The following TAFA2 variants were observed in gnomAD, a reference collection of about 807,000 sequenced individuals.
TAFA2 encodes the protein TAFA chemokine like family member 2.
Under a neutral mutation model 18.8 loss-of-function variants are expected in TAFA2, and 7 were observed. The observed-to-expected ratio is 0.37, with a 90% CI of 0.21 to 0.70. The LOEUF is 0.70. Among genes scored for constraint, TAFA2 ranks in the 30% least tolerant of loss-of-function variants. TAFA2 has a pLI of 0.53. For synonymous variants in TAFA2, 60 were observed against 54.2 expected (o/e 1.11, Z -0.47); for missense variants, 122 against 158.1 (o/e 0.77, Z 1.23).
chr12:61,965,036 C>T (rs139402673), intron 1 of TAFA2, among the ~76,000 whole-genome samples: 44 of 151,924 alleles, frequency 2.9e-4, no homozygotes, highest in East Asian at 1.4e-3. Context: ...GTAGAATAGA[C>T]GTTCAAAGGT....
At chr12:61,740,290 T>G (rs989648282) in intron 4 of TAFA2, among the ~76,000 whole-genome samples, 2 of 151,338 alleles carry the variant, frequency 1.3e-5, no homozygotes, top group African/African-American at 4.9e-5. Flanking sequence ...TGAGAACACA[T>G]GGACACAGGG....
intron 2 of TAFA2, among the ~76,000 whole-genome samples, chr12:61,769,364 T>TA (rs1437732064): frequency 6.6e-6 from 1 of 151,830 alleles, no homozygotes; most frequent in East Asian, 1.9e-4. Context: ...TGCAAGCCTG[T>TA]AACCTCCCTG....
intron 1 of TAFA2, among the ~76,000 whole-genome samples, chr12:62,205,109 G>T (rs899298975): frequency 6.6e-6 from 1 of 152,166 alleles, no homozygotes; most frequent in Non-Finnish European, 1.5e-5. Context: ...TTTGCTGGGG[G>T]TCTACTCAAG....
At chr12:62,184,579 G>T (rs1317562633) in intron 1 of TAFA2, among the ~76,000 whole-genome samples, 1 of 137,758 alleles carries the variant, frequency 7.3e-6, no homozygotes, top group Non-Finnish European at 1.5e-5. Context: ...ATGCAGCTGT[G>T]ACCTCCCAGG....
chr12:61,866,503 T>C (rs1361976654), intron 2 of TAFA2, among the ~76,000 whole-genome samples: 1 of 152,178 alleles, frequency 6.6e-6, no homozygotes, highest in East Asian at 1.9e-4. Flanking sequence ...AAATCTAAAT[T>C]GATTTCTCAG....
chr12:61,926,702 T>A (rs1877309321), intron 1 of TAFA2, among the ~76,000 whole-genome samples: 1 of 152,088 alleles, frequency 6.6e-6, no homozygotes, highest in African/African-American at 2.4e-5. Context: ...TATCTGAAAA[T>A]AATAAGAGCT....
At chr12:61,948,674 A>G (rs1349531234) in intron 1 of TAFA2, among the ~76,000 whole-genome samples, 1 of 152,212 alleles carries the variant, frequency 6.6e-6, no homozygotes, top group Non-Finnish European at 1.5e-5. Flanking sequence ...AGAAAAGAGA[A>G]TGTATTGTAG....
intron 1 of TAFA2, among the ~76,000 whole-genome samples, chr12:61,871,780 C>T: frequency 6.6e-6 from 1 of 152,172 alleles, no homozygotes; most frequent in Middle Eastern, 3.2e-3. Flanking sequence ...AAACGCTTCT[C>T]ATCCCACTAA....
At position 62,000,208 on chromosome 12, in the gene TAFA2, A is replaced by AT. The variant is rs760210330; in HGVS notation, c.-1-132783_-1-132782insA. Among the ~76,000 whole-genome samples, 4 of 114,318 alleles carry AT rather than the reference A, an allele frequency of 3.5e-5. No individual in the cohort carries two copies. The East Asian group carries it at 1.9e-3, about 54-fold the overall frequency. 75.0% of individuals were successfully genotyped at this position (114,318 alleles called of 152,430 possible). ...GTTTAACCCTGTACATTAGCATTCT[A>AT]ATGCATACTGCCTGTGTAGTCCTTT... On this transcript the variant is annotated intron_variant, in intron 1 of 4. Coordinates refer to ENST00000416284, the MANE Select transcript of TAFA2 (RefSeq NM_178539.5).
rs57736074 is a variant in TAFA2 at position 61,826,338 on chromosome 12, C to CTGTGTGTGTGTGTGTGTGTGTG, written c.106+40960_106+40981dup. ...TGTTCAAAACTTCTAATTAGTTCAT[C>CTGTGTGTGTGTGTGTGTGTGTG]TGTGTGTGTGTGTGTGTGTGTGTGT... On this transcript the variant is annotated intron_variant, in intron 2 of 4. Transcript: ENST00000416284. 1.4e-3 allele frequency among the ~76,000 whole-genome samples: 209 copies of CTGTGTGTGTGTGTGTGTGTGTG among 149,138 alleles called. 1 individual carries two copies. Among genetic ancestry groups the CTGTGTGTGTGTGTGTGTGTGTG allele is most frequent in the African/African-American group, 4.6e-3 (187 of 40,736 alleles).
At chr12:61,748,345 A>C (rs975140543) in intron 4 of TAFA2, among the ~76,000 whole-genome samples, 12 of 152,138 alleles carry the variant, frequency 7.9e-5, no homozygotes, top group African/African-American at 2.9e-4. Flanking sequence ...GCTGTGGACC[A>C]GAATGTAATT....
chr12:62,078,535 C>G (rs1484949028), intron 1 of TAFA2, among the ~76,000 whole-genome samples: 2 of 152,072 alleles, frequency 1.3e-5, no homozygotes, highest in African/African-American at 2.4e-5. Context: ...AAATCACACC[C>G]AGGGGTGTAG....
chr12:62,252,413 C>A (rs1214463021), intron 1 of TAFA2: 1 of 152,222 alleles, frequency 6.6e-6, no homozygotes, highest in African/African-American at 2.4e-5. Flanking sequence ...TTCACTGGGC[C>A]TCTTGCTGTG....
intron 1 of TAFA2, among the ~76,000 whole-genome samples, chr12:62,190,080 A>G (rs1055481494): frequency 2.6e-5 from 4 of 151,270 alleles, no homozygotes; most frequent in African/African-American, 9.7e-5. Flanking sequence ...TCTCTCTCTT[A>G]TTGCCATAAT....
At chr12:62,136,217 A>C (rs1219195819) in intron 1 of TAFA2, among the ~76,000 whole-genome samples, 1 of 152,164 alleles carries the variant, frequency 6.6e-6, no homozygotes, top group Non-Finnish European at 1.5e-5. Flanking sequence ...AGTTGATCCA[A>C]GAATCAATTA....
intron 2 of TAFA2, among the ~76,000 whole-genome samples, chr12:61,819,471 C>T (rs1872230497): frequency 6.6e-6 from 1 of 152,076 alleles, no homozygotes; most frequent in African/African-American, 2.4e-5. Flanking sequence ...ACCTCTTATG[C>T]AAATCTAAAT....
rs2062663816 is a variant in TAFA2, at chr12:62,199,799, T to C, written c.-130+58964A>G. 5.3e-5 allele frequency among the ~76,000 whole-genome samples: 8 copies of C among 152,274 alleles called. No individual in the cohort carries two copies. In the South Asian group the frequency reaches 1.7e-3, roughly 32 times the overall value. ...AATGGCATTGCTGGGTCAAATGGTATTTCTGGTCCTAGGTCTCTGAGGAAT... is the reference window on the plus strand; with the variant it reads ...AATGGCATTGCTGGGTCAAATGGTACTTCTGGTCCTAGGTCTCTGAGGAAT... On this transcript the variant is annotated intron_variant, in intron 1 of 5. Coordinates refer to the TAFA2 transcript ENST00000551619.
At chr12:62,098,564 G>T (rs1402492491) in intron 1 of TAFA2, among the ~76,000 whole-genome samples, 2 of 152,086 alleles carry the variant, frequency 1.3e-5, no homozygotes, top group African/African-American at 4.8e-5. Flanking sequence ...TTAAATTAAG[G>T]CTCTAATTCT....
intron 1 of TAFA2, among the ~76,000 whole-genome samples, chr12:62,254,326 T>A (rs572375897): frequency 6.6e-6 from 1 of 152,222 alleles, no homozygotes; most frequent in Non-Finnish European, 1.5e-5. Flanking sequence ...ATCACTATTT[T>A]ACAGATGAGA....
Sources: gnomAD v4.1 joint callset for allele counts (sites outside exome capture counted in the v4.1 genomes callset) on GRCh38, gnomAD v4.1.1 for gene constraint, MANE v1.5 for transcripts, NCBI Gene and HGNC (gene_info 2026-07-23, HGNC 2026-07-21) for gene names.